Variants in SLCO2B1 observed in about 807,000 individuals in gnomAD.
SLCO2B1 encodes the protein solute carrier organic anion transporter family member 2B1, also known as OATP-RP2.
In SLCO2B1, 41 loss-of-function variants were observed where a neutral mutation model predicts 67.3. The observed-to-expected ratio is 0.61, with a 90% CI of 0.47 to 0.79. The LOEUF is 0.79. Among genes scored for constraint, SLCO2B1 ranks in the 30% least tolerant of loss-of-function variants. SLCO2B1 has a pLI of 0.00. For missense variants in SLCO2B1, 837 were observed against 920.1 expected (o/e 0.91, Z 1.17); for synonymous variants, 379 against 381.4 (o/e 0.99, Z 0.07).
At chr11:75,182,543 G>A (rs1950103457) in intron 7 of SLCO2B1, among the ~76,000 whole-genome samples, 1 of 152,174 alleles carries the variant, frequency 6.6e-6, no homozygotes, top group African/African-American at 2.4e-5. Context: ...AGGAGTTCGA[G>A]ACCAGCCTGC....
At chr11:75,165,393 T>C (rs1287505978) in intron 3 of SLCO2B1, among the ~76,000 whole-genome samples, 1 of 150,482 alleles carries the variant, frequency 6.6e-6, no homozygotes, top group Admixed American at 6.6e-5. Flanking sequence ...GATCACACCA[T>C]TGCACTCCAG....
intron 1 of SLCO2B1, 76 bp downstream of exon 1, chr11:75,151,473 C>A (rs374836550): frequency 2.0e-6 from 3 of 1,530,046 alleles, no homozygotes; most frequent in Non-Finnish European, 2.7e-6. Flanking sequence ...AGGGTGAGGC[C>A]GTAGAGCCAG....
At chr11:75,163,104 T>C (rs11236362) in intron 2 of SLCO2B1, among the ~76,000 whole-genome samples, 1 of 152,208 alleles carries the variant, frequency 6.6e-6, no homozygotes, top group East Asian at 1.9e-4. Flanking sequence ...ATGTGGATAC[T>C]GGGAGTCCTA....
chr11:75,176,521 A>G (rs1950025940), intron 7 of SLCO2B1, among the ~76,000 whole-genome samples: 1 of 152,258 alleles, frequency 6.6e-6, no homozygotes, highest in African/African-American at 2.4e-5. Context: ...TACTTACATT[A>G]TGCTAAAAGT....
chr11:75,204,215 A>C, intron 13 of SLCO2B1, 185 bp from the exon 14 acceptor site: 2 of 551,166 alleles, frequency 3.6e-6, no homozygotes, highest in Non-Finnish European at 6.2e-6. Flanking sequence ...GAAGATGGCC[A>C]GGCCTCTGCT....
chr11:75,186,674 C>G (rs915187921), intron 7 of SLCO2B1, among the ~76,000 whole-genome samples: 1 of 152,158 alleles, frequency 6.6e-6, no homozygotes, highest in African/African-American at 2.4e-5. Flanking sequence ...CTTCTTCCAG[C>G]TAATTTTTTG....
chr11:75,188,468 G>A (rs1344011864), intron 8 of SLCO2B1, among the ~76,000 whole-genome samples: 5 of 152,198 alleles, frequency 3.3e-5, no homozygotes, highest in Non-Finnish European at 7.3e-5. Flanking sequence ...GCTCATGCCT[G>A]TAATCCCAGC....
rs376532504 is a variant in SLCO2B1, at chr11:75,188,117, G to C, written c.973-19G>C. The stretch of plus-strand genomic sequence containing the variant: ...TGCTGGCATCCAGCGGACTGTCCTT[G>C]GTTTTGTGTCTCCTTCAGGGCAAGG... On this transcript the variant is annotated intron_variant, in intron 7 of 13. Coordinates refer to ENST00000289575, the MANE Select transcript of SLCO2B1 (RefSeq NM_007256.5). 36 of 1,588,334 alleles carry C rather than the reference G, an allele frequency of 2.3e-5. No homozygotes were observed. In the African/African-American group the frequency reaches 3.4e-4, roughly 15 times the overall value.
chr11:75,172,392 G>T lies in SLCO2B1; in HGVS notation c.795G>T (p.Leu265=), dbSNP rs1353954511. The change falls in exon 7 of 14, where the codon CTG becomes CTT. Residue 265 remains leucine (L), a synonymous_variant. Coordinates refer to ENST00000289575, the MANE Select transcript of SLCO2B1 (RefSeq NM_007256.5). ...INQMPEGGIS[L]TIKDPRWVGA... ...CTTCTCTTCCAGGTGGTATCAGCCT[G>T]ACCATAAAGGACCCCCGATGGGTGG... The T allele has an allele frequency of 1.9e-6, 3 of 1,613,686 alleles. No individual in the cohort carries two copies. The South Asian group carries it at 3.3e-5, about 18-fold the overall frequency.
At chr11:75,194,748 T>C (rs926349850) in intron 9 of SLCO2B1, among the ~76,000 whole-genome samples, 1 of 152,188 alleles carries the variant, frequency 6.6e-6, no homozygotes, top group African/African-American at 2.4e-5. Context: ...AAAAAGTAAA[T>C]GGATATTTTA....
At chr11:75,156,356 CTGGGAG>C (rs1949745822) in intron 1 of SLCO2B1, among the ~76,000 whole-genome samples, 1 of 152,154 alleles carries the variant, frequency 6.6e-6, no homozygotes, top group African/African-American at 2.4e-5. Context: ...AGAAATTGGC[CTGGGAG>C]TGGGGTTTTA....
chr11:75,164,158 C>T, intron 3 of SLCO2B1, 58 bp downstream of exon 3: 1 of 1,542,476 alleles, frequency 6.5e-7, no homozygotes, highest in Non-Finnish European at 8.8e-7. Context: ...ACCGCACCTT[C>T]CACCAGCCTC....
Position 75,169,335 on chromosome 11 carries a change from T to C in SLCO2B1, c.611T>C (p.Val204Ala). Residue 204 changes from valine to alanine, a missense_variant, in exon 5 of 14, where the codon GTG becomes GCG. Val to Ala is a moderately conservative substitution (Grantham distance 64, BLOSUM62 0). Coordinates refer to ENST00000289575, the MANE Select transcript of SLCO2B1 (RefSeq NM_007256.5). The part of the protein sequence containing the change: ...VAQTLLGVGG[V>A]PIQPFGISYI... ...CAGACCCTGCTGGGCGTGGGCGGGG[T>C]GCCCATTCAGCCCTTTGGCATCTCC... 6.2e-7 allele frequency: 1 copy of C among 1,613,796 alleles called. No individual in the cohort carries two copies. Among genetic ancestry groups the C allele is most frequent in the South Asian group, 1.1e-5 (1 of 91,062 alleles).
In SLCO2B1 at chr11:75,179,218, A is replaced by ATTTTTTTTTTTTT. The variant is rs373993870; in HGVS notation, c.972+6664_972+6676dup. ...TGGGTATGTTTATTGGATACATGAGATTTTTTTTTTTTTTTTTTTTTTTTT... is the reference window on the plus strand; with the variant it reads ...TGGGTATGTTTATTGGATACATGAGATTTTTTTTTTTTTTTTTTTTTTTTTTTTTTTTTTTTTT... On this transcript the variant is annotated intron_variant, in intron 7 of 13. Coordinates refer to ENST00000289575, the MANE Select transcript of SLCO2B1 (RefSeq NM_007256.5). 2.1e-4 allele frequency among the ~76,000 whole-genome samples: 14 copies of ATTTTTTTTTTTTT among 66,682 alleles called. 4 individuals are homozygous for ATTTTTTTTTTTTT. Among genetic ancestry groups the ATTTTTTTTTTTTT allele is most frequent in the African/African-American group, 8.0e-4 (13 of 16,260 alleles). The allele number at this position is 66,682 out of a possible 152,430, so 43.7% of individuals were successfully genotyped here.
intron 8 of SLCO2B1, among the ~76,000 whole-genome samples, chr11:75,190,098 G>GCC (rs1419602650): frequency 6.6e-6 from 1 of 152,226 alleles, no homozygotes; most frequent in Non-Finnish European, 1.5e-5. Context: ...GGACTCCCTA[G>GCC]CCTCAGGCCA....
At chr11:75,189,424 A>G (rs1326401018) in intron 8 of SLCO2B1, among the ~76,000 whole-genome samples, 1 of 152,252 alleles carries the variant, frequency 6.6e-6, no homozygotes, top group Non-Finnish European at 1.5e-5. Flanking sequence ...AAATGAGACG[A>G]AACATGGAAA....
intron 10 of SLCO2B1, among the ~76,000 whole-genome samples, chr11:75,197,628 T>A (rs1258039547): frequency 6.6e-6 from 1 of 152,172 alleles, no homozygotes; most frequent in Admixed American, 6.5e-5. Flanking sequence ...CAAGTTCAGA[T>A]CTGTGTTTGA....
intron 13 of SLCO2B1, chr11:75,204,152 G>A (rs969773201): frequency 1.7e-5 from 6 of 356,152 alleles, no homozygotes; most frequent in African/African-American, 8.4e-5. Flanking sequence ...CCTTGGGCTC[G>A]GAGAGAGGCA....
chr11:75,158,642 T>C (rs953669476), intron 1 of SLCO2B1, among the ~76,000 whole-genome samples: 2 of 152,228 alleles, frequency 1.3e-5, no homozygotes, highest in African/African-American at 4.8e-5. Context: ...CAAGGTGCCA[T>C]ATTTGGAGAA....
Sources: allele counts gnomAD v4.1 joint callset (sites outside exome capture counted in the v4.1 genomes callset), GRCh38; gene constraint gnomAD v4.1.1; transcripts MANE v1.5; gene names NCBI Gene and HGNC (gene_info 2026-07-23, HGNC 2026-07-21).